Variants in CACNA1I observed in about 807,000 individuals in gnomAD.
The protein encoded by CACNA1I is calcium voltage-gated channel subunit alpha1 I, also known as voltage-dependent T-type calcium channel subunit alpha-1I.
In CACNA1I, 74 loss-of-function variants were observed where a neutral mutation model predicts 201.6. The observed-to-expected ratio is 0.37, with a 90% confidence interval of 0.30 to 0.45. CACNA1I has a LOEUF of 0.45. Ranked by LOEUF, CACNA1I falls within the 20% of genes least tolerant of loss-of-function variation. The pLI, the probability that CACNA1I is intolerant of heterozygous loss-of-function variation, is 1.00. For missense variants in CACNA1I, 2,346 were observed against 3,138.1 expected, an observed-to-expected ratio of 0.75 and a Z score of 6.03; for synonymous variants, 1,431 against 1,345.2, an observed-to-expected ratio of 1.06 and a Z score of -1.40.
In CACNA1I at chr22:39,685,856, C is replaced by G; in HGVS notation, c.6123C>G (p.Ser2041Arg). Residue 2041 changes from serine to arginine, a missense_variant, in exon 37 of 37, where the codon AGC (serine) becomes AGG (arginine). Coordinates refer to ENST00000402142, the MANE Select transcript of CACNA1I (RefSeq NM_021096.4). The surrounding 1 kb of genome is among the most constrained non-coding windows in gnomAD (Gnocchi z 5.0). Reference sequence around the variant, plus strand: ...AGGACAGCCTGACCCTGAGCGACAGCCCCCGGCGTGCCCTGGGGCCGCCCG... The same window carrying G: ...AGGACAGCCTGACCCTGAGCGACAGGCCCCGGCGTGCCCTGGGGCCGCCCG... ...TLEDSLTLSDSPRRALGPPAP... is the reference protein window; with the variant it reads ...TLEDSLTLSDRPRRALGPPAP... The G allele has an allele frequency of 6.8e-7, 1 of 1,475,992 alleles. No homozygotes were observed. The highest frequency in any genetic ancestry group is 8.9e-7 in the Non-Finnish European group (1 of 1,121,890). The allele number at this position is 1,475,992 out of a possible 1,614,324, so 91.4% of individuals were successfully genotyped here.
intron 5 of CACNA1I, among the ~76,000 whole-genome samples, chr22:39,637,696 T>G (rs1934255035): frequency 6.6e-6 from 1 of 152,192 alleles, no homozygotes; most frequent in Admixed American, 6.5e-5. Context: ...AAGAAGGAAT[T>G]ACATTTTGCT....
In CACNA1I at chr22:39,684,615, C is replaced by A; in HGVS notation, c.6027+117C>A. Reference sequence around the variant, plus strand: ...AGGACCCAACCAAAGGCCGAGGGCACCACCGTGCAAGGGGGTTTGGGAACG... The same window carrying A: ...AGGACCCAACCAAAGGCCGAGGGCAACACCGTGCAAGGGGGTTTGGGAACG... On this transcript the variant is annotated intron_variant, in intron 36 of 36. Transcript: ENST00000402142. This position sits in a 1 kb window ranked among gnomAD's most constrained non-coding sequence, Gnocchi z 4.6. 1 of 1,128,548 alleles carries A rather than the reference C, an allele frequency of 8.9e-7. No homozygotes were observed. The highest frequency in any genetic ancestry group is 1.4e-5 in the South Asian group (1 of 71,808). 69.9% of individuals were successfully genotyped at this position (1,128,548 alleles called of 1,614,324 possible).
At chr22:39,669,000 A>G (rs5757763) in intron 24 of CACNA1I, among the ~76,000 whole-genome samples, 69,813 of 151,770 alleles carry the variant, frequency 0.46, 17,267 homozygotes, top group East Asian at 0.96. Flanking sequence ...GGGTGGAGGA[A>G]GTCAGGGAGG....
At chr22:39,681,670 G>A (rs902272456) in intron 34 of CACNA1I, among the ~76,000 whole-genome samples, 23 of 151,878 alleles carry the variant, frequency 1.5e-4, no homozygotes, top group Admixed American at 2.0e-4. Flanking sequence ...CTTAGGGGGT[G>A]AGATCTCAAG....
At chr22:39,611,376 G>A (rs1052811389) in intron 3 of CACNA1I, among the ~76,000 whole-genome samples, 6 of 152,152 alleles carry the variant, frequency 3.9e-5, no homozygotes, top group Admixed American at 2.6e-4. Context: ...CCCAGGGCTC[G>A]TGCTCACCCA....
chr22:39,680,230 A>G (rs1489694242), intron 33 of CACNA1I, among the ~76,000 whole-genome samples: 3 of 152,152 alleles, frequency 2.0e-5, no homozygotes, highest in African/African-American at 7.2e-5. Context: ...CCCCCAAGGC[A>G]TCATCCTGGC....
In CACNA1I at chr22:39,679,103, G is replaced by A. The variant is rs987460241; in HGVS notation, c.5056-4G>A. 31 of 1,577,964 alleles carry A rather than the reference G, an allele frequency of 2.0e-5. No individual in the cohort carries two copies. Among genetic ancestry groups the A allele is most frequent in the South Asian group, 3.5e-5 (3 of 85,712 alleles). ...TCATCCTCACCGCCCTCCCTGCCAC[G>A]CAGGACACGCTGCGGGACTGCACCC... On this transcript the variant is annotated splice_polypyrimidine_tract_variant and splice_region_variant and intron_variant, in intron 31 of 36. Coordinates refer to ENST00000402142, the MANE Select transcript of CACNA1I (RefSeq NM_021096.4).
intron 4 of CACNA1I, among the ~76,000 whole-genome samples, chr22:39,624,686 G>A (rs1480440624): frequency 3.3e-5 from 5 of 152,164 alleles, no homozygotes; most frequent in Non-Finnish European, 5.9e-5. Context: ...CCCTCATTTC[G>A]CGGGACAGAC....
At chr22:39,672,349 T>G in intron 27 of CACNA1I, 41 bp downstream of exon 27, 1 of 1,334,376 alleles carries the variant, frequency 7.5e-7, no homozygotes. Flanking sequence ...TAGGGTAGAC[T>G]GCAGGATGAA....
chr22:39,638,703 A>C (rs1934283122), intron 5 of CACNA1I, among the ~76,000 whole-genome samples: 1 of 150,678 alleles, frequency 6.6e-6, no homozygotes. Context: ...TTTCCTTATT[A>C]AGTTATGGGA....
intron 6 of CACNA1I, among the ~76,000 whole-genome samples, chr22:39,641,423 A>G (rs1934348483): frequency 6.6e-6 from 1 of 152,252 alleles, no homozygotes; most frequent in South Asian, 2.1e-4. Context: ...CTCTTAACCC[A>G]GCTCTGGGTG....
In CACNA1I at chr22:39,684,308, C is replaced by T. The variant is rs1235107838; in HGVS notation, c.5837C>T (p.Pro1946Leu). Residue 1946 changes from proline (P) to leucine (L), a missense_variant, in exon 36 of 37, where the codon CCA (proline) becomes CTA (leucine). Physicochemically the swap from Pro to Leu is moderately conservative, Grantham distance 98. Coordinates refer to ENST00000402142, the MANE Select transcript of CACNA1I (RefSeq NM_021096.4). This position sits in a 1 kb window ranked among gnomAD's most constrained non-coding sequence, Gnocchi z 4.6. ...TCTTCTCCTTTCCCAGCAGCACCCC[C>T]AAGTCCCTTCTCCCCGGATGCCTCC... is the stretch of plus-strand genomic sequence containing the variant. ...WLKHDSSQAPPSPFSPDASSP... is the reference protein window; with the variant it reads ...WLKHDSSQAPLSPFSPDASSP... The T allele has an allele frequency of 6.2e-7, 1 of 1,613,410 alleles. No homozygotes were observed. Among genetic ancestry groups the T allele is most frequent in the South Asian group, 1.1e-5 (1 of 90,938 alleles).
At chr22:39,661,398 C>T (rs1935008079) in intron 16 of CACNA1I, 88 bp downstream of exon 16, 2 of 1,064,020 alleles carry the variant, frequency 1.9e-6, no homozygotes, top group Non-Finnish European at 2.6e-6. Flanking sequence ...CCAGTCTAGC[C>T]TCAGACTCTG....
chr22:39,646,125 G>T lies in CACNA1I; in HGVS notation c.1150-444G>T, dbSNP rs149064843. On this transcript the variant is annotated intron_variant, in intron 7 of 36. Transcript: ENST00000402142. ...AGCAGATTCCGGTCGGGCCCAGGGA[G>T]CTGCCTGGGCCGTCGCTTTCTCCTG... 6.2e-3 allele frequency among the ~76,000 whole-genome samples: 937 copies of T among 152,184 alleles called. 14 individuals carry two copies. The highest frequency in any genetic ancestry group is 0.022 in the African/African-American group (894 of 41,514).
At chr22:39,585,719 C>A (rs938615560) in intron 1 of CACNA1I, among the ~76,000 whole-genome samples, 50 of 108,814 alleles carry the variant, frequency 4.6e-4, no homozygotes, top group East Asian at 1.8e-3. Flanking sequence ...AAAAAAAAAA[C>A]TTTTAAAGTT....
rs1290716873 is a variant in CACNA1I, at chr22:39,676,606, T to C, written c.4855-735T>C. 6.6e-6 allele frequency among the ~76,000 whole-genome samples: 1 copy of C among 152,204 alleles called. No individual in the cohort carries two copies. Among genetic ancestry groups the C allele is most frequent in the Non-Finnish European group, 1.5e-5 (1 of 68,026 alleles). ...CTGGGACGCTTTCTCCCACAGGAGC[T>C]GTGGGATGGGGGTGGCTGGGTTTGC... is the stretch of plus-strand genomic sequence containing the variant. On this transcript the variant is annotated intron_variant, in intron 29 of 36. Transcript: ENST00000402142. This position sits in a 1 kb window ranked among gnomAD's most constrained non-coding sequence, Gnocchi z 4.8.
rs781595323 is a variant in CACNA1I at position 39,634,735 on chromosome 22, C to A, written c.740+11C>A. The A allele has an allele frequency of 1.9e-6, 3 of 1,610,144 alleles. No homozygotes were observed. The Admixed American group carries it at 5.0e-5, about 27-fold the overall frequency. Reference sequence around the variant, plus strand: ...GGAGAACTTCACCATGTGAGTTCATCCCCTGCCACCCATGCAGCTCCGGGG... The same window carrying A: ...GGAGAACTTCACCATGTGAGTTCATACCCTGCCACCCATGCAGCTCCGGGG... On this transcript the variant is annotated intron_variant, in intron 5 of 36. Coordinates refer to ENST00000402142, the MANE Select transcript of CACNA1I (RefSeq NM_021096.4).
chr22:39,589,386 C>A (rs1932796281), intron 1 of CACNA1I, among the ~76,000 whole-genome samples: 1 of 152,212 alleles, frequency 6.6e-6, no homozygotes, highest in Admixed American at 6.5e-5. Context: ...TGCTGAGCAG[C>A]CTTCCAGAGT....
Position 39,618,509 on chromosome 22 carries a change from T to C in CACNA1I, c.483-801T>C, listed in dbSNP as rs1933629302. On this transcript the variant is annotated intron_variant, in intron 3 of 36. Transcript: ENST00000402142. ...TGCGCTCCAGCGGGTGGGGGATGGA[T>C]GGTGGTGGCATTTCAGGGAACGAAT... Among the ~76,000 whole-genome samples, 4 of 151,718 alleles carry C rather than the reference T, an allele frequency of 2.6e-5. No homozygotes were observed. In the South Asian group the frequency reaches 8.3e-4, roughly 32 times the overall value.
Sources: allele counts gnomAD v4.1 joint callset (sites outside exome capture counted in the v4.1 genomes callset), GRCh38; gene constraint gnomAD v4.1.1; non-coding constraint Gnocchi (gnomAD v3.1); transcripts MANE v1.5; gene names NCBI Gene and HGNC (gene_info 2026-07-23, HGNC 2026-07-21).